PSD: variants seen among roughly 807,000 people sequenced by gnomAD.
The protein encoded by PSD is PH and SEC7 domain-containing protein 1.
In PSD, 32 loss-of-function variants were observed where a neutral mutation model predicts 91.6. The observed-to-expected ratio is 0.35, with a 90% CI of 0.26 to 0.47. The LOEUF (loss-of-function observed/expected upper bound fraction) is 0.47. PSD is among the 20% of genes least tolerant of loss of function. The pLI, the probability that PSD is intolerant of heterozygous loss-of-function variation, is 1.00. For synonymous variants in PSD, 532 were observed against 569.3 expected (o/e 0.93, Z 0.93); for missense variants, 1,099 against 1,373.9 (o/e 0.80, Z 3.16).
rs1264549705 is a variant in PSD, at chr10:102,403,871, G to A, written c.2815C>T (p.Arg939Trp). The A allele has an allele frequency of 7.5e-6, 12 of 1,609,730 alleles. No individual in the cohort carries two copies. Among genetic ancestry groups the A allele is most frequent in the Non-Finnish European group, 8.5e-6 (10 of 1,178,146 alleles). ...AACTCCAGGTAGGCCTCCTTCTGCCGCTGCTCTTCAGCCTCCTTGCCCCGG... is the reference window on the plus strand; with the variant it reads ...AACTCCAGGTAGGCCTCCTTCTGCCACTGCTCTTCAGCCTCCTTGCCCCGG... ...KGRGKEAEEQ[R>W]QKEAYLEFEK... Residue 939 changes from arginine to tryptophan, a missense_variant, in exon 16 of 17, where the codon CGG becomes TGG. Transcript: ENST00000020673. This position sits in a 1 kb window ranked among gnomAD's most constrained non-coding sequence, Gnocchi z 6.7.
rs752465079 is a variant in PSD at position 102,403,907 on chromosome 10, C to G, written c.2779G>C (p.Gly927Arg). 27 of 1,601,968 alleles carry G rather than the reference C, an allele frequency of 1.7e-5. No homozygotes were observed. The highest frequency in any genetic ancestry group is 2.0e-5 in the Non-Finnish European group (24 of 1,174,328). ...GCCTCCTTGCCCCGGCCCTTCTTGCCCAGCTGGGCGGCCCGGTGCTCCCGC... is the reference window on the plus strand; with the variant it reads ...GCCTCCTTGCCCCGGCCCTTCTTGCGCAGCTGGGCGGCCCGGTGCTCCCGC... Reference protein sequence around the residue: ...ELREHRAAQLGKKGRGKEAEE... With the variant: ...ELREHRAAQLRKKGRGKEAEE... Residue 927 changes from glycine to arginine, a missense_variant, in exon 16 of 17, where the codon GGC (glycine) becomes CGC (arginine). Gly to Arg is a moderately radical substitution (Grantham distance 125). Coordinates refer to ENST00000020673, the MANE Select transcript of PSD (RefSeq NM_002779.5). This position sits in a 1 kb window ranked among gnomAD's most constrained non-coding sequence, Gnocchi z 6.7.
chr10:102,416,770 C>T lies in PSD; in HGVS notation c.269G>A (p.Gly90Glu), dbSNP rs1382279451. Residue 90 changes from glycine (G) to glutamate (E), a missense_variant, in exon 2 of 17, where the codon GGG (glycine) becomes GAG (glutamate). Gly to Glu is a moderately conservative substitution (Grantham distance 98). This residue lies in a region of PSD where 631 missense variants were observed against 728.8 expected (regional missense o/e 0.87). Coordinates refer to ENST00000020673, the MANE Select transcript of PSD (RefSeq NM_002779.5). This position sits in a 1 kb window ranked among gnomAD's most constrained non-coding sequence, Gnocchi z 6.0. ...GCTCTGGGCCCCGGGTGGGGGCTGC[C>T]CAGTGGGTGAAGAGGGTGCCCAGGG... ...PSPWAPSSPT[G>E]QPPPGAQSSV... 1.3e-6 allele frequency: 2 copies of T among 1,593,776 alleles called. No homozygotes were observed. Among genetic ancestry groups the T allele is most frequent in the Non-Finnish European group, 1.7e-6 (2 of 1,169,546 alleles).
At chr10:102,406,737 C>T (rs1285525062) in intron 11 of PSD, among the ~76,000 whole-genome samples, 1 of 152,194 alleles carries the variant, frequency 6.6e-6, no homozygotes, top group Non-Finnish European at 1.5e-5. Flanking sequence ...GATCTCCTGA[C>T]CTCGTGATCT....
At chr10:102,418,937 C>G (rs1005086808), upstream of PSD, 1 of 347,354 alleles carries the variant, frequency 2.9e-6, no homozygotes, top group African/African-American at 2.2e-5. Context: ...TGGGCTCTCC[C>G]GCCAACCTAA....
In PSD at chr10:102,418,735, AGAG is replaced by A; in HGVS notation, c.-121_-119del. The A allele has an allele frequency of 2.2e-6, 1 of 455,798 alleles. No homozygotes were observed. The highest frequency in any genetic ancestry group is 3.3e-4 in the Middle Eastern group (1 of 3,066). 28.2% of individuals were successfully genotyped at this position (455,798 alleles called of 1,614,324 possible). ...CCCAGAGCTGAGACCGAGGAGAGAC[AGAG>A]GAGAGGCTGGGCCCAGCTGAGCTGT... On this transcript the variant is annotated 5_prime_UTR_variant, in exon 1 of 17. Coordinates refer to ENST00000020673, the MANE Select transcript of PSD (RefSeq NM_002779.5).
chr10:102,416,301 AAC>A lies in PSD; in HGVS notation c.654+82_654+83del. On this transcript the variant is annotated intron_variant, in intron 2 of 16. Coordinates refer to ENST00000020673, the MANE Select transcript of PSD (RefSeq NM_002779.5). The surrounding 1 kb of genome is among the most constrained non-coding windows in gnomAD (Gnocchi z 6.0). Reference sequence around the variant, plus strand: ...AGAACAGATTAAAGGATTCAGAGTGAACAGCAGACAAGCCCATGTCTGACAGG... The same window carrying A: ...AGAACAGATTAAAGGATTCAGAGTGAAGCAGACAAGCCCATGTCTGACAGG... 6.8e-7 allele frequency: 1 copy of A among 1,462,118 alleles called. No homozygotes were observed. Among genetic ancestry groups the A allele is most frequent in the Non-Finnish European group, 9.3e-7 (1 of 1,073,646 alleles). The allele number at this position is 1,462,118 out of a possible 1,614,324, so 90.6% of individuals were successfully genotyped here.
In PSD at chr10:102,405,830, A is replaced by C. The variant is rs1589882479; in HGVS notation, c.2136-294T>G. On this transcript the variant is annotated intron_variant, in intron 11 of 16. Transcript: ENST00000020673. The surrounding 1 kb of genome is among the most constrained non-coding windows in gnomAD (Gnocchi z 5.4). ...ATTGCTGCACACCTGCAGCCCTCAC[A>C]CCCTTCTCCACCAGGACAGCCCCGG... 1.6e-5 allele frequency: 5 copies of C among 311,702 alleles called. No individual in the cohort carries two copies. The highest frequency in any genetic ancestry group is 1.7e-4 in the South Asian group (2 of 11,954). 19.3% of individuals were successfully genotyped at this position (311,702 alleles called of 1,614,324 possible).
At chr10:102,419,946 C>A, upstream of PSD, 1 of 292,088 alleles carries the variant, frequency 3.4e-6, no homozygotes, top group South Asian at 2.9e-5. The surrounding 1 kb of genome is among the most constrained non-coding windows in gnomAD (Gnocchi z 4.8). Context: ...GGTGGGGAAA[C>A]GTGGAAGGAA....
At position 102,404,142 on chromosome 10, in the gene PSD, A is replaced by G. The variant is rs113640874; in HGVS notation, c.2701-157T>C. On this transcript the variant is annotated intron_variant, in intron 15 of 16. Transcript: ENST00000020673. The surrounding 1 kb of genome is among the most constrained non-coding windows in gnomAD (Gnocchi z 5.7). ...GGCGGGCGGATCACGAGGTCAGGAG[A>G]TCGAGACCATCCTGGCTAACACGGT... is the stretch of plus-strand genomic sequence containing the variant. Among the ~76,000 whole-genome samples, 8 of 152,220 alleles carry G rather than the reference A, an allele frequency of 5.3e-5. No individual in the cohort carries two copies. Among genetic ancestry groups the G allele is most frequent in the East Asian group, 3.9e-4 (2 of 5,172 alleles).
rs140441332 is a variant in PSD at position 102,416,896 on chromosome 10, C to T, written c.143G>A (p.Arg48Gln). 196 of 1,607,656 alleles carry T rather than the reference C, an allele frequency of 1.2e-4. No individual in the cohort carries two copies. In the African/African-American group the frequency reaches 2.1e-3, roughly 18 times the overall value. Reference sequence around the variant, plus strand: ...TCGAGGACCTGGACCTGCCACTCGCCGTAGCAAGGAGCCTGTGCTGCCATA... The same window carrying T: ...TCGAGGACCTGGACCTGCCACTCGCTGTAGCAAGGAGCCTGTGCTGCCATA... ...SMYGSTGSLLRRVAGPGPRGR... is the reference protein window; with the variant it reads ...SMYGSTGSLLQRVAGPGPRGR... Residue 48 changes from arginine (R) to glutamine (Q), a missense_variant, in exon 2 of 17, where the codon CGG becomes CAG. Arg to Gln is a conservative substitution (Grantham distance 43, BLOSUM62 1). Coordinates refer to ENST00000020673, the MANE Select transcript of PSD (RefSeq NM_002779.5). The surrounding 1 kb of genome is among the most constrained non-coding windows in gnomAD (Gnocchi z 6.0).
Position 102,409,274 on chromosome 10 carries a change from C to T in PSD, c.2091+1584G>A, listed in dbSNP as rs2061400559. 4.1e-6 allele frequency: 4 copies of T among 985,606 alleles called. No homozygotes were observed. The South Asian group carries it at 1.4e-4, about 34-fold the overall frequency. 61.1% of individuals were successfully genotyped at this position (985,606 alleles called of 1,614,324 possible). On this transcript the variant is annotated intron_variant, in intron 10 of 16. Transcript: ENST00000020673. The surrounding 1 kb of genome is among the most constrained non-coding windows in gnomAD (Gnocchi z 5.7). The stretch of plus-strand genomic sequence containing the variant: ...GCGGCGGCGGCGGCGGCGCTGTCTG[C>T]TCTGCGGCTTGGCTAGAGCGGGAGG...
In PSD at chr10:102,410,848, C is replaced by T. The variant is rs1192949230; in HGVS notation, c.2091+10G>A. ...CCCTCCAGCGACTTCTACCCTGCCC[C>T]GCCCCCCACCTTGAGCAGCTCCCTA... is the stretch of plus-strand genomic sequence containing the variant. On this transcript the variant is annotated intron_variant, in intron 10 of 16. Transcript: ENST00000020673. The surrounding 1 kb of genome is among the most constrained non-coding windows in gnomAD (Gnocchi z 6.0). The T allele has an allele frequency of 5.0e-6, 8 of 1,608,594 alleles. No individual in the cohort carries two copies. Among genetic ancestry groups the T allele is most frequent in the South Asian group, 1.1e-5 (1 of 90,958 alleles).
chr10:102,403,555 G>A lies in PSD; in HGVS notation c.2845-125C>T, dbSNP rs907702552. On this transcript the variant is annotated intron_variant, in intron 16 of 16. Coordinates refer to ENST00000020673, the MANE Select transcript of PSD (RefSeq NM_002779.5). The surrounding 1 kb of genome is among the most constrained non-coding windows in gnomAD (Gnocchi z 6.7). Reference sequence around the variant, plus strand: ...GGTGCCCACCCAGGACTGTGAGATGGTCCCATGCGGGCTGGTGCCCCCTCT... The same window carrying A: ...GGTGCCCACCCAGGACTGTGAGATGATCCCATGCGGGCTGGTGCCCCCTCT... 4 of 963,086 alleles carry A rather than the reference G, an allele frequency of 4.2e-6. No homozygotes were observed. The highest frequency in any genetic ancestry group is 6.0e-6 in the Non-Finnish European group (4 of 661,680). The allele number at this position is 963,086 out of a possible 1,614,324, so 59.7% of individuals were successfully genotyped here.
In PSD at chr10:102,403,894, C is replaced by A. The variant is rs760161159; in HGVS notation, c.2792G>T (p.Arg931Leu). Residue 931 changes from arginine (R) to leucine (L), a missense_variant, in exon 16 of 17, where the codon CGG becomes CTG. Coordinates refer to ENST00000020673, the MANE Select transcript of PSD (RefSeq NM_002779.5). The surrounding 1 kb of genome is among the most constrained non-coding windows in gnomAD (Gnocchi z 6.7). The part of the protein sequence containing the change: ...HRAAQLGKKG[R>L]GKEAEEQRQK... ...CCGCTGCTCTTCAGCCTCCTTGCCC[C>A]GGCCCTTCTTGCCCAGCTGGGCGGC... 1.2e-6 allele frequency: 2 copies of A among 1,606,592 alleles called. No individual in the cohort carries two copies. Among genetic ancestry groups the A allele is most frequent in the East Asian group, 4.5e-5 (2 of 44,682 alleles).
chr10:102,415,657 C>T (rs572922696), intron 3 of PSD, among the ~76,000 whole-genome samples: 3 of 152,244 alleles, frequency 2.0e-5, no homozygotes, highest in South Asian at 4.1e-4. Context: ...TTGGTAGAGA[C>T]TTGCTTGTTG....
In PSD at chr10:102,405,715, C is replaced by T; in HGVS notation, c.2136-179G>A. 3.2e-6 allele frequency: 2 copies of T among 626,494 alleles called. No homozygotes were observed. Among genetic ancestry groups the T allele is most frequent in the South Asian group, 4.0e-5 (2 of 50,102 alleles). The allele number at this position is 626,494 out of a possible 1,614,324, so 38.8% of individuals were successfully genotyped here. A position where few individuals can be genotyped will look rare whatever the true frequency, so the allele number is the denominator to read the frequency against. On this transcript the variant is annotated intron_variant, in intron 11 of 16. Transcript: ENST00000020673. The surrounding 1 kb of genome is among the most constrained non-coding windows in gnomAD (Gnocchi z 5.4). ...CCTCCACAATGTGTAGCTGTGCCTC[C>T]TCAGAGCAGGGCACCTCCCTCAGAG...
At chr10:102,411,207 T>C (rs1327187819) in intron 8 of PSD, 91 bp from the exon 9 acceptor site, 1 of 1,314,310 alleles carries the variant, frequency 7.6e-7, no homozygotes, top group Non-Finnish European at 1.0e-6. Flanking sequence ...CCCCACCCCC[T>C]TTGGCCGGCA....
chr10:102,403,119 G>A lies in PSD; in HGVS notation c.*81C>T. ...CCTAGGCCGGGAGGCCCTCGTGGGT[G>A]GCCCGAGGCCGGCCCGGGCTCAGGC... is the stretch of plus-strand genomic sequence containing the variant. On this transcript the variant is annotated 3_prime_UTR_variant, in exon 17 of 17. Coordinates refer to ENST00000020673, the MANE Select transcript of PSD (RefSeq NM_002779.5). This position sits in a 1 kb window ranked among gnomAD's most constrained non-coding sequence, Gnocchi z 6.7. 8.4e-7 allele frequency: 1 copy of A among 1,186,374 alleles called. No individual in the cohort carries two copies. The highest frequency in any genetic ancestry group is 1.1e-6 in the Non-Finnish European group (1 of 888,016). 73.5% of individuals were successfully genotyped at this position (1,186,374 alleles called of 1,614,324 possible). A position where few individuals can be genotyped will look rare whatever the true frequency, so the allele number is the denominator to read the frequency against.
intron 8 of PSD, 114 bp downstream of exon 8, chr10:102,411,593 T>C: frequency 1.3e-6 from 1 of 789,244 alleles, no homozygotes; most frequent in Non-Finnish European, 2.2e-6. Context: ...CCTACACGCA[T>C]GTACATCCAT....
Sources: allele counts gnomAD v4.1 joint callset (sites outside exome capture counted in the v4.1 genomes callset), GRCh38; gene constraint gnomAD v4.1.1; regional missense constraint gnomAD v4.1.1; non-coding constraint Gnocchi (gnomAD v3.1); transcripts MANE v1.5; gene names NCBI Gene and HGNC (gene_info 2026-07-23, HGNC 2026-07-21).